KSR1: variants seen among roughly 807,000 people sequenced by gnomAD.
KSR1 encodes the protein kinase suppressor of ras.
KSR1 carries 35 observed loss-of-function variants against 92.9 expected under a neutral mutation model. That is an observed-to-expected ratio of 0.38 (90% CI 0.29 to 0.50). KSR1 has a LOEUF of 0.50. Ranked by LOEUF, KSR1 falls within the 20% of genes least tolerant of loss-of-function variation. KSR1 has a pLI of 0.94. For missense variants in KSR1, 972 were observed against 1,158.5 expected, an observed-to-expected ratio of 0.84 and a Z score of 2.34; for synonymous variants, 467 against 472.6, an observed-to-expected ratio of 0.99 and a Z score of 0.15.
intron 14 of KSR1, among the ~76,000 whole-genome samples, chr17:27,606,417 A>G (rs1302422076): frequency 6.6e-6 from 1 of 152,256 alleles, no homozygotes; most frequent in Non-Finnish European, 1.5e-5. Flanking sequence ...ACATTTGCAT[A>G]TACTCACGTT....
Position 27,456,667 on chromosome 17 carries a change from G to A in KSR1, c.24G>A (p.Ala8=). 3.1e-6 allele frequency: 2 copies of A among 655,084 alleles called. No homozygotes were observed. Among genetic ancestry groups the A allele is most frequent in the Admixed American group, 2.7e-5 (1 of 36,680 alleles). The allele number at this position is 655,084 out of a possible 1,614,324, so 40.6% of individuals were successfully genotyped here. The change falls in exon 1 of 21, where the codon GCG becomes GCA. Residue 8 remains alanine (A), a synonymous_variant. Coordinates refer to ENST00000644974, the MANE Select transcript of KSR1 (RefSeq NM_001394583.1). ...GCATGGATAGAGCAGCGCTGCGCGC[G>A]GCGGCGATGGGAGAGAAGAAGGAGG... The part of the protein sequence containing the change: MDRAALR[A]AAMGEKKEGG...
At chr17:27,527,032 G>A (rs79930233) in intron 1 of KSR1, 3 of 474,648 alleles carry the variant, frequency 6.3e-6, no homozygotes, top group Non-Finnish European at 1.2e-5. Context: ...AAATCCGGCA[G>A]GGACAGCTCG....
intron 1 of KSR1, among the ~76,000 whole-genome samples, chr17:27,544,053 T>C (rs1251189639): frequency 6.6e-6 from 1 of 152,214 alleles, no homozygotes; most frequent in African/African-American, 2.4e-5. Context: ...GCAAGAGTGT[T>C]TTCTGTGTTC....
intron 1 of KSR1, among the ~76,000 whole-genome samples, chr17:27,488,248 G>A (rs1013715827): frequency 2.0e-5 from 3 of 152,224 alleles, no homozygotes; most frequent in Non-Finnish European, 4.4e-5. Flanking sequence ...GTTAAGAAGT[G>A]AAATATTCCC....
At chr17:27,497,190 T>C (rs192841655) in intron 1 of KSR1, among the ~76,000 whole-genome samples, 13 of 152,350 alleles carry the variant, frequency 8.5e-5, no homozygotes, top group African/African-American at 2.9e-4. Context: ...TTGCGGTTTA[T>C]GTTATCGGTA....
chr17:27,554,469 A>C (rs2071518394), intron 2 of KSR1, among the ~76,000 whole-genome samples: 1 of 152,226 alleles, frequency 6.6e-6, no homozygotes, highest in African/African-American at 2.4e-5. Flanking sequence ...CTGTCAGATC[A>C]GCAGCAGCAT....
chr17:27,458,680 G>A (rs1455705190), intron 1 of KSR1, among the ~76,000 whole-genome samples: 1 of 152,164 alleles, frequency 6.6e-6, no homozygotes, highest in East Asian at 1.9e-4. Flanking sequence ...CCATCCAAAG[G>A]CCCACAGGGG....
At chr17:27,550,057 C>G (rs983791681) in intron 1 of KSR1, among the ~76,000 whole-genome samples, 3 of 152,058 alleles carry the variant, frequency 2.0e-5, no homozygotes, top group African/African-American at 7.2e-5. Flanking sequence ...CTTTTTTACC[C>G]GAGACAGGGT....
At chr17:27,618,030 A>T (rs754553830) in intron 19 of KSR1, among the ~76,000 whole-genome samples, 5 of 152,196 alleles carry the variant, frequency 3.3e-5, no homozygotes, top group Non-Finnish European at 7.3e-5. Flanking sequence ...CCAGGCCAGG[A>T]CTAGAAGGCT....
At chr17:27,589,874 C>T (rs542786050) in intron 6 of KSR1, among the ~76,000 whole-genome samples, 1 of 152,236 alleles carries the variant, frequency 6.6e-6, no homozygotes, top group African/African-American at 2.4e-5. Context: ...TCAACCCCCT[C>T]TTTAAAGAGG....
At chr17:27,616,378 T>G (rs926571456) in intron 18 of KSR1, among the ~76,000 whole-genome samples, 2 of 152,226 alleles carry the variant, frequency 1.3e-5, no homozygotes, top group Non-Finnish European at 2.9e-5. Context: ...TTCCAGCACT[T>G]TTAATGTTTC....
chr17:27,542,694 T>G (rs1266088298), intron 1 of KSR1, among the ~76,000 whole-genome samples: 1 of 152,164 alleles, frequency 6.6e-6, no homozygotes, highest in African/African-American at 2.4e-5. Context: ...GTCTTCATGC[T>G]CCTCCTTTTC....
rs543119697 is a variant in KSR1, at chr17:27,467,279, G to T, written c.231+10405G>T. Among the ~76,000 whole-genome samples, 3 of 152,346 alleles carry T rather than the reference G, an allele frequency of 2.0e-5. No individual in the cohort carries two copies. In the East Asian group the frequency reaches 5.8e-4, roughly 29 times the overall value. On this transcript the variant is annotated intron_variant, in intron 1 of 20. Coordinates refer to ENST00000644974, the MANE Select transcript of KSR1 (RefSeq NM_001394583.1). ...AGCATAGGATAATTTTGAAGACTCT[G>T]GTTGCCTTTGTCTAGGCTCTGGGGG...
chr17:27,521,429 AGCCTCTT>A (rs1294797228), intron 1 of KSR1, among the ~76,000 whole-genome samples: 6 of 150,540 alleles, frequency 4.0e-5, no homozygotes, highest in Admixed American at 1.3e-4. Context: ...GGCTCAGGCA[AGCCTCTT>A]GCCTCAGCCT....
chr17:27,508,790 C>T (rs936918034), intron 1 of KSR1, among the ~76,000 whole-genome samples: 2 of 151,146 alleles, frequency 1.3e-5, no homozygotes, highest in African/African-American at 2.4e-5. Context: ...AGTGCAATGG[C>T]GTGATCTCGG....
intron 1 of KSR1, among the ~76,000 whole-genome samples, chr17:27,486,043 A>G (rs2068654292): frequency 6.6e-6 from 1 of 152,234 alleles, no homozygotes; most frequent in African/African-American, 2.4e-5. Context: ...AAAAGAACGT[A>G]TGAACTCAGG....
At chr17:27,548,010 GCTGT>G (rs1422725490) in intron 1 of KSR1, among the ~76,000 whole-genome samples, 4 of 152,180 alleles carry the variant, frequency 2.6e-5, no homozygotes, top group Non-Finnish European at 5.9e-5. Context: ...ACCATGACTG[GCTGT>G]CTATCACAGT....
intron 1 of KSR1, among the ~76,000 whole-genome samples, chr17:27,507,970 C>T (rs116389099): frequency 0.02 from 3,028 of 152,068 alleles, 98 homozygotes; most frequent in African/African-American, 0.068. Context: ...GCTGTCCTGC[C>T]CTAGAAGGGG....
At chr17:27,491,304 GGTGTGT>G (rs60738939) in intron 1 of KSR1, among the ~76,000 whole-genome samples, 5,238 of 109,954 alleles carry the variant, frequency 0.048, 181 homozygotes, top group African/African-American at 0.093. Context: ...TTTTGTTAGT[GGTGTGT>G]GTGTGTGTGT....
Sources: gnomAD v4.1 joint callset for allele counts (sites outside exome capture counted in the v4.1 genomes callset) on GRCh38, gnomAD v4.1.1 for gene constraint, MANE v1.5 for transcripts, NCBI Gene and HGNC (gene_info 2026-07-23, HGNC 2026-07-21) for gene names.